The following CRY1 variants were observed in gnomAD, a reference collection of about 807,000 sequenced individuals.
The protein encoded by CRY1 is cryptochrome-1.
A neutral mutation model predicts 76.0 loss-of-function variants in CRY1; 45 were observed. The ratio of observed to expected loss-of-function variants is 0.59; its 90% CI spans 0.47 to 0.76. The LOEUF (loss-of-function observed/expected upper bound fraction) is 0.76, where lower values mean the gene tolerates loss of function less well. Among genes scored for constraint, CRY1 ranks in the 30% least tolerant of loss-of-function variants. CRY1 has a pLI of 0.00. For missense variants in CRY1, 587 were observed against 716.4 expected (o/e 0.82, Z 2.06); for synonymous variants, 248 against 244.0 (o/e 1.02, Z -0.15).
rs146403636 is a variant in CRY1, at chr12:107,041,773, T to C, written c.159-19581A>G. 2.2e-5 allele frequency among the ~76,000 whole-genome samples: 3 copies of C among 134,658 alleles called. No homozygotes were observed. The East Asian group carries it at 6.4e-4, about 29-fold the overall frequency. 88.3% of individuals were successfully genotyped at this position (134,658 alleles called of 152,430 possible). A position where few individuals can be genotyped will look rare whatever the true frequency, so the allele number is the denominator to read the frequency against. On this transcript the variant is annotated intron_variant, in intron 1 of 12. Transcript: ENST00000008527. ...AATTCAAGTTTTTCAGATGCTTTCATAGTGGTAGGACTATGGGGTGGGGGT... is the reference window on the plus strand; with the variant it reads ...AATTCAAGTTTTTCAGATGCTTTCACAGTGGTAGGACTATGGGGTGGGGGT...
At chr12:107,019,597 ATGT>A (rs1408182790) in intron 2 of CRY1, among the ~76,000 whole-genome samples, 2 of 152,164 alleles carry the variant, frequency 1.3e-5, no homozygotes, top group African/African-American at 4.8e-5. Flanking sequence ...GGTTTGAAAA[ATGT>A]TGTTTCAAAA....
intron 1 of CRY1, among the ~76,000 whole-genome samples, chr12:107,037,576 T>G (rs1952749635): frequency 6.6e-6 from 1 of 152,120 alleles, no homozygotes; most frequent in Non-Finnish European, 1.5e-5. Context: ...TGGGAGTCAA[T>G]CACATGTGTC....
At chr12:106,996,823 T>C (rs189780728) in intron 10 of CRY1, among the ~76,000 whole-genome samples, 8 of 152,302 alleles carry the variant, frequency 5.3e-5, no homozygotes, top group Admixed American at 1.3e-4. Context: ...TAAATTTGTA[T>C]CATACAGAAA....
At chr12:107,060,729 G>A (rs532461476) in intron 1 of CRY1, among the ~76,000 whole-genome samples, 41 of 152,126 alleles carry the variant, frequency 2.7e-4, no homozygotes, top group Non-Finnish European at 5.1e-4. Flanking sequence ...GGTGGCTCAC[G>A]CCTGTAATCC....
At chr12:107,018,202 T>A (rs1183252457) in intron 2 of CRY1, among the ~76,000 whole-genome samples, 1 of 152,244 alleles carries the variant, frequency 6.6e-6, no homozygotes. Flanking sequence ...CTTTATATGT[T>A]CTTTTATTCT....
In CRY1 at chr12:107,030,331, C is replaced by A. The variant is rs775728482; in HGVS notation, c.159-8139G>T. On this transcript the variant is annotated intron_variant, in intron 1 of 12. Transcript: ENST00000008527. ...AATCTGAAACTCACCAAGGACATTT[C>A]CATACCCAGGTAAACAATGAAGCAG... Among the ~76,000 whole-genome samples, 112 of 152,146 alleles carry A rather than the reference C, an allele frequency of 7.4e-4. 1 individual carries two copies. Among genetic ancestry groups the A allele is most frequent in the Non-Finnish European group, 4.1e-4 (28 of 68,006 alleles).
At chr12:107,046,237 G>A (rs1477973483) in intron 1 of CRY1, among the ~76,000 whole-genome samples, 1 of 151,826 alleles carries the variant, frequency 6.6e-6, no homozygotes. Flanking sequence ...AGGTTCCAGT[G>A]AGCCAAGATC....
intron 1 of CRY1, among the ~76,000 whole-genome samples, chr12:107,065,255 C>T (rs1953096273): frequency 6.6e-6 from 1 of 152,024 alleles, no homozygotes; most frequent in Non-Finnish European, 1.5e-5. Context: ...GATCATGCCA[C>T]TGCACTCCAA....
At position 107,083,511 on chromosome 12, in the gene CRY1, T is replaced by G. The variant is rs574007456; in HGVS notation, c.158+9293A>C. On this transcript the variant is annotated intron_variant, in intron 1 of 12. Coordinates refer to ENST00000008527, the MANE Select transcript of CRY1 (RefSeq NM_004075.5). ...TATCCACACGATCAAGGCAGCTTCA[T>G]CCCTGGGATGTAAGGCTGGTTCACC... is the stretch of plus-strand genomic sequence containing the variant. Among the ~76,000 whole-genome samples the G allele has an allele frequency of 2.0e-5, 3 of 152,322 alleles. No individual in the cohort carries two copies. The East Asian group carries it at 5.8e-4, about 29-fold the overall frequency.
rs750035688 is a variant in CRY1, at chr12:107,077,401, C to T, written c.158+15403G>A. On this transcript the variant is annotated intron_variant, in intron 1 of 12. Coordinates refer to ENST00000008527, the MANE Select transcript of CRY1 (RefSeq NM_004075.5). The stretch of plus-strand genomic sequence containing the variant: ...TGCACAGTACCTGGTAGATAACAGG[C>T]TCTCACTGAATGTTTTCCTGAATGA... Among the ~76,000 whole-genome samples the T allele has an allele frequency of 3.3e-5, 5 of 152,266 alleles. No homozygotes were observed. The East Asian group carries it at 9.6e-4, about 29-fold the overall frequency.
chr12:107,078,014 C>T (rs903288551), intron 1 of CRY1, among the ~76,000 whole-genome samples: 3 of 152,044 alleles, frequency 2.0e-5, no homozygotes, highest in African/African-American at 7.2e-5. Context: ...AAAAAATTTA[C>T]GTAATTCATT....
At chr12:107,007,007 T>G (rs867511651) in intron 2 of CRY1, among the ~76,000 whole-genome samples, 1 of 152,218 alleles carries the variant, frequency 6.6e-6, no homozygotes. Flanking sequence ...TAAAAATTTT[T>G]TCCTTTCTTA....
Position 107,092,834 on chromosome 12 carries a change from C to A in CRY1, c.128G>T (p.Gly43Val). 2 of 1,611,442 alleles carry A rather than the reference C, an allele frequency of 1.2e-6. No homozygotes were observed. The highest frequency in any genetic ancestry group is 1.7e-6 in the Non-Finnish European group (2 of 1,179,712). Residue 43 changes from glycine (G) to valine (V), a missense_variant, in exon 1 of 13, where the codon GGC (glycine) becomes GTC (valine). Physicochemically the swap from Gly to Val is moderately radical, Grantham distance 109. Transcript: ENST00000008527. ...CVYILDPWFA[G>V]SSNVGINRWR... ...CCTGTTGATGCCCACATTGGAGGAG[C>A]CGGCGAACCAGGGGTCCAGGATGTA...
chr12:107,012,019 G>A (rs1305059593), intron 2 of CRY1, among the ~76,000 whole-genome samples: 2 of 152,068 alleles, frequency 1.3e-5, no homozygotes, highest in East Asian at 1.9e-4. Flanking sequence ...GTGAAACCCT[G>A]TCTCTACTAA....
intron 3 of CRY1, 56 bp downstream of exon 3, chr12:107,005,050 T>C: frequency 3.9e-6 from 6 of 1,524,588 alleles, no homozygotes; most frequent in Non-Finnish European, 5.3e-6. Flanking sequence ...ATGGTTAAGA[T>C]GGTAAATATT....
At chr12:106,996,149 G>GTATGTGTTGTTCTCCGCATGTATC (rs1338618927) in intron 10 of CRY1, among the ~76,000 whole-genome samples, 1 of 152,068 alleles carries the variant, frequency 6.6e-6, no homozygotes, top group Non-Finnish European at 1.5e-5. Flanking sequence ...CCTGGCCCCA[G>GTATGTGTTGTTCTCCGCATGTATC]TATGTGTTGT....
chr12:107,056,927 A>G (rs1952990146), intron 1 of CRY1, among the ~76,000 whole-genome samples: 1 of 152,164 alleles, frequency 6.6e-6, no homozygotes. Context: ...ATTAAGACAA[A>G]CATATAGACA....
chr12:107,008,828 G>C (rs1193891399), intron 2 of CRY1, among the ~76,000 whole-genome samples: 1 of 152,154 alleles, frequency 6.6e-6, no homozygotes, highest in East Asian at 1.9e-4. Context: ...AGTCTCACAA[G>C]GTCTGATGGT....
At chr12:107,037,010 C>A (rs1271011358) in intron 1 of CRY1, among the ~76,000 whole-genome samples, 1 of 152,134 alleles carries the variant, frequency 6.6e-6, no homozygotes, top group African/African-American at 2.4e-5. Context: ...CACCCCCACT[C>A]AGATGTAAAT....
Sources: gnomAD v4.1 joint callset for allele counts (sites outside exome capture counted in the v4.1 genomes callset) on GRCh38, gnomAD v4.1.1 for gene constraint, MANE v1.5 for transcripts, NCBI Gene and HGNC (gene_info 2026-07-23, HGNC 2026-07-21) for gene names.